Variants in ZNF398 observed in about 807,000 individuals in gnomAD.
The protein encoded by ZNF398 is zinc finger protein 398, also known as zinc finger DNA binding protein ZER6.
In ZNF398, 18 loss-of-function variants were observed where a neutral mutation model predicts 41.9. The ratio of observed to expected loss-of-function variants is 0.43; its 90% CI spans 0.30 to 0.64. The LOEUF (loss-of-function observed/expected upper bound fraction) is 0.64. ZNF398 is among the 30% of genes least tolerant of loss of function. The pLI is 0.14. For missense variants in ZNF398, 669 were observed against 822.8 expected, an observed-to-expected ratio of 0.81 and a Z score of 2.29; for synonymous variants, 260 against 308.8, an observed-to-expected ratio of 0.84 and a Z score of 1.66.
At chr7:149,162,918 G>T (rs942760635) in intron 2 of ZNF398, among the ~76,000 whole-genome samples, 1 of 151,984 alleles carries the variant, frequency 6.6e-6, no homozygotes, top group Non-Finnish European at 1.5e-5. Context: ...GGAGGTTGCA[G>T]TGAGCTGAGA....
chr7:149,127,555 A>AAAAT lies in ZNF398; in HGVS notation c.-612+903_-612+904insTAAA, dbSNP rs1283914431. ...CCGTCTCTACTAAAAATACAAAAAA[A>AAAAT]AAAAAAAAAAAAATAGCCGAGCGTT... On this transcript the variant is annotated intron_variant, in intron 1 of 6. Transcript: ENST00000426851. 8.5e-3 allele frequency among the ~76,000 whole-genome samples: 1,256 copies of AAAAT among 147,612 alleles called. 37 individuals carry two copies. The highest frequency in any genetic ancestry group is 0.029 in the African/African-American group (1,178 of 40,332).
upstream of ZNF398, among the ~76,000 whole-genome samples, chr7:149,144,450 G>T (rs1826890946): frequency 6.6e-6 from 1 of 152,050 alleles, no homozygotes; most frequent in African/African-American, 2.4e-5. Context: ...TGGGTCGACA[G>T]GTGTGCATTA....
chr7:149,154,711 A>G (rs1362629683), intron 2 of ZNF398, among the ~76,000 whole-genome samples: 1 of 152,050 alleles, frequency 6.6e-6, no homozygotes, highest in East Asian at 1.9e-4. Flanking sequence ...AAATCAGTCA[A>G]TTTGAGGCTG....
intron 1 of ZNF398, chr7:149,148,321 G>A: frequency 2.2e-6 from 1 of 456,826 alleles, no homozygotes; most frequent in Non-Finnish European, 2.9e-6. Context: ...CGCGTGCGTG[G>A]CGGTTCATTC....
At chr7:149,144,218 T>A (rs1020170617), upstream of ZNF398, among the ~76,000 whole-genome samples, 1 of 152,188 alleles carries the variant, frequency 6.6e-6, no homozygotes, top group Non-Finnish European at 1.5e-5. Flanking sequence ...CAGTTGGAAG[T>A]CTTATTTAGT....
chr7:149,179,064 C>T lies in ZNF398; in HGVS notation c.1192C>T (p.Pro398Ser). 1 of 1,614,032 alleles carries T rather than the reference C, an allele frequency of 6.2e-7. No individual in the cohort carries two copies. The highest frequency in any genetic ancestry group is 8.5e-7 in the Non-Finnish European group (1 of 1,180,006). Residue 398 changes from proline to serine, a missense_variant, in exon 6 of 6, where the codon CCC (proline) becomes TCC (serine). This residue lies in a region of ZNF398 where 290 missense variants were observed against 292.9 expected (regional missense o/e 0.99). Transcript: ENST00000475153. The surrounding 1 kb of genome is among the most constrained non-coding windows in gnomAD (Gnocchi z 6.1). ...TSQDHASETP[P>S]TCPHCARTFT... ...CCAGGACCATGCCAGCGAGACACCC[C>T]CCACCTGCCCACACTGTGCCAGGAC... is the stretch of plus-strand genomic sequence containing the variant.
At chr7:149,160,703 T>C (rs13225884) in intron 2 of ZNF398, among the ~76,000 whole-genome samples, 81,994 of 152,138 alleles carry the variant, frequency 0.54, 25,628 homozygotes, top group East Asian at 0.9. Flanking sequence ...TATTTTCTTG[T>C]GTGAATTAAG....
chr7:149,144,177 G>T (rs1826885086), upstream of ZNF398, among the ~76,000 whole-genome samples: 2 of 152,196 alleles, frequency 1.3e-5, no homozygotes, highest in Admixed American at 1.3e-4. Flanking sequence ...CCATATTAAA[G>T]CAGAGAGGTA....
At chr7:149,173,093 ATTTTTTTTTTTTTTTT>A (rs71192762) in intron 4 of ZNF398, among the ~76,000 whole-genome samples, 3 of 64,958 alleles carry the variant, frequency 4.6e-5, no homozygotes, top group African/African-American at 5.8e-5. Context: ...GGCAATTTCT[ATTTTTTTTTTTTTTTT>A]TTTTTTTTTT....
rs1795612953 is a variant in ZNF398, at chr7:149,182,436, C to T, written c.*2635C>T. 1 of 152,210 alleles carries T rather than the reference C, an allele frequency of 6.6e-6. No homozygotes were observed. Among genetic ancestry groups the T allele is most frequent in the Non-Finnish European group, 1.5e-5 (1 of 68,044 alleles). The allele number at this position is 152,210 out of a possible 1,614,324, so 9.4% of individuals were successfully genotyped here. A position where few individuals can be genotyped will look rare whatever the true frequency, so the allele number is the denominator to read the frequency against. ...TCAAAAGTGGGTAAGTAAAATGGAT[C>T]AGTGGGAAGGATAAGGTGTCCAACA... On this transcript the variant is annotated 3_prime_UTR_variant, in exon 6 of 6. Transcript: ENST00000475153.
chr7:149,148,510 G>T (rs1827019683), intron 1 of ZNF398: 1 of 985,016 alleles, frequency 1.0e-6, no homozygotes, highest in South Asian at 4.7e-5. Context: ...GAGAGCAATT[G>T]TACTGGGTCA....
At chr7:149,160,374 T>C (rs1052981332) in intron 2 of ZNF398, among the ~76,000 whole-genome samples, 1 of 152,150 alleles carries the variant, frequency 6.6e-6, no homozygotes, top group Non-Finnish European at 1.5e-5. Flanking sequence ...GAGCTTGCAG[T>C]GAGCTGAGAG....
At position 149,179,942 on chromosome 7, in the gene ZNF398, A is replaced by T. The variant is rs199642764; in HGVS notation, c.*141A>T. The stretch of plus-strand genomic sequence containing the variant: ...AATTTGGGGTCCTATACACTTGACT[A>T]GAGACATGCTTGTGTTTTGGAATTT... On this transcript the variant is annotated 3_prime_UTR_variant, in exon 6 of 6. Transcript: ENST00000475153. The surrounding 1 kb of genome is among the most constrained non-coding windows in gnomAD (Gnocchi z 6.1). 2 of 116,734 alleles carry T rather than the reference A, an allele frequency of 1.7e-5. No individual in the cohort carries two copies. Among genetic ancestry groups the T allele is most frequent in the Non-Finnish European group, 3.1e-5 (2 of 64,064 alleles). 7.2% of individuals were successfully genotyped at this position (116,734 alleles called of 1,614,324 possible). A position where few individuals can be genotyped will look rare whatever the true frequency, so the allele number is the denominator to read the frequency against.
Position 149,178,837 on chromosome 7 carries a change from G to A in ZNF398, c.965G>A (p.Gly322Glu), listed in dbSNP as rs546325784. ...ACTGACCTGCCTGAAGCCTCTGAGG[G>A]ACAAGTGACTTTTACTCAGTTGGGT... ...PATDLPEASE[G>E]QVTFTQLGSY... Residue 322 changes from glycine to glutamate, a missense_variant, in exon 6 of 6, where the codon GGA becomes GAA. By Grantham distance (98) the Gly-to-Glu change is moderately conservative (BLOSUM62 -2). Transcript: ENST00000475153. 6 of 1,614,114 alleles carry A rather than the reference G, an allele frequency of 3.7e-6. No homozygotes were observed. The East Asian group carries it at 6.7e-5, about 18-fold the overall frequency.
At chr7:149,168,976 G>C (rs1218459902) in intron 4 of ZNF398, among the ~76,000 whole-genome samples, 5 of 152,156 alleles carry the variant, frequency 3.3e-5, no homozygotes, top group Non-Finnish European at 7.3e-5. Flanking sequence ...ATAAAGATGA[G>C]TGACTTGACT....
At chr7:149,155,730 AATTT>A (rs1794960805) in intron 2 of ZNF398, among the ~76,000 whole-genome samples, 1 of 92,388 alleles carries the variant, frequency 1.1e-5, no homozygotes, top group African/African-American at 4.3e-5. Flanking sequence ...TTTTTTTTTT[AATTT>A]TTTTTTTTTT....
chr7:149,133,019 A>G (rs754679381), intron 2 of ZNF398, among the ~76,000 whole-genome samples: 8 of 151,956 alleles, frequency 5.3e-5, no homozygotes, highest in Non-Finnish European at 1.0e-4. Context: ...TTTAACTCCT[A>G]TATCAGCGGT....
chr7:149,166,699 A>G (rs1381636347), intron 3 of ZNF398, 118 bp from the exon 4 acceptor site: 7 of 656,864 alleles, frequency 1.1e-5, no homozygotes, highest in East Asian at 2.8e-5. Flanking sequence ...GTGATATGAA[A>G]TCTAAAAGAA....
At chr7:149,144,826 C>T (rs371678062), upstream of ZNF398, among the ~76,000 whole-genome samples, 13 of 152,070 alleles carry the variant, frequency 8.5e-5, no homozygotes, top group East Asian at 1.5e-3. Context: ...TGACCTTAGG[C>T]GATCCACCCA....
Sources: allele counts gnomAD v4.1 joint callset (sites outside exome capture counted in the v4.1 genomes callset), GRCh38; gene constraint gnomAD v4.1.1; regional missense constraint gnomAD v4.1.1; non-coding constraint Gnocchi (gnomAD v3.1); transcripts MANE v1.5; gene names NCBI Gene and HGNC (gene_info 2026-07-23, HGNC 2026-07-21).